Variants in CDC42SE2 observed in about 807,000 individuals in gnomAD.
CDC42SE2 encodes the protein CDC42 small effector protein 2.
Under a neutral mutation model 11.5 loss-of-function variants are expected in CDC42SE2, and 3 were observed. The observed-to-expected ratio is 0.26, with a 90% CI of 0.12 to 0.67. CDC42SE2 has a LOEUF of 0.67. CDC42SE2 is among the 30% of genes least tolerant of loss of function. CDC42SE2 has a pLI of 0.80. For missense variants in CDC42SE2, 82 were observed against 106.8 expected (o/e 0.77, Z 1.02); for synonymous variants, 33 against 34.8 (o/e 0.95, Z 0.18).
the CDC42SE2 span, among the ~76,000 whole-genome samples, chr5:131,221,350 G>A: frequency 0.13 from 19,342 of 150,338 alleles, 1,308 homozygotes; most frequent in African/African-American, 0.14. Flanking sequence ...CGTATTTTAC[G>A]TGTGGCTCAA....
intron 2 of CDC42SE2, among the ~76,000 whole-genome samples, chr5:131,325,636 C>T (rs1169338504): frequency 6.6e-6 from 1 of 152,122 alleles, no homozygotes; most frequent in East Asian, 1.9e-4. Context: ...TTGCAAACTC[C>T]TAGAGCTAAA....
intron 1 of CDC42SE2, among the ~76,000 whole-genome samples, chr5:131,276,203 T>C (rs947806571): frequency 2.6e-5 from 4 of 150,998 alleles, no homozygotes; most frequent in Middle Eastern, 6.8e-3. Context: ...TCCCAGCACT[T>C]TGGGAGGCTG....
At chr5:131,251,005 G>A (rs1455766257) in intron 1 of CDC42SE2, among the ~76,000 whole-genome samples, 2 of 152,068 alleles carry the variant, frequency 1.3e-5, no homozygotes, top group African/African-American at 4.8e-5. Context: ...AGAACTCTCT[G>A]TACTTTCCAC....
intron 2 of CDC42SE2, among the ~76,000 whole-genome samples, chr5:131,332,713 G>T (rs1362775002): frequency 1.3e-5 from 2 of 152,102 alleles, no homozygotes. Context: ...TTTTTCTGAT[G>T]GCCAGTGATG....
At chr5:131,316,660 G>A (rs1178846690) in intron 2 of CDC42SE2, among the ~76,000 whole-genome samples, 2 of 152,168 alleles carry the variant, frequency 1.3e-5, no homozygotes, top group African/African-American at 2.4e-5. Flanking sequence ...CTGATATTAC[G>A]TAGATGTGAT....
chr5:131,283,624 A>G (rs1310148268), intron 1 of CDC42SE2, among the ~76,000 whole-genome samples: 2 of 151,040 alleles, frequency 1.3e-5, no homozygotes, highest in African/African-American at 4.9e-5. Context: ...CTCCCAAGTA[A>G]CTGGGATTGC....
At chr5:131,261,836 G>A (rs1756728720), upstream of CDC42SE2, among the ~76,000 whole-genome samples, 1 of 149,130 alleles carries the variant, frequency 6.7e-6, no homozygotes. Context: ...TCCAGCCTGG[G>A]TGACAAAGTG....
intron 1 of CDC42SE2, among the ~76,000 whole-genome samples, chr5:131,303,650 C>G (rs912828558): frequency 1.3e-5 from 2 of 152,246 alleles, no homozygotes; most frequent in African/African-American, 4.8e-5. Flanking sequence ...ACATCCTGAC[C>G]TCTGATAACA....
chr5:131,241,572 G>C (rs1448938596), upstream of CDC42SE2, among the ~76,000 whole-genome samples: 1 of 151,950 alleles, frequency 6.6e-6, no homozygotes, highest in African/African-American at 2.4e-5. Context: ...TCATGTTTAG[G>C]TCATTTTCTC....
At chr5:131,321,068 G>A (rs1758177046) in intron 2 of CDC42SE2, among the ~76,000 whole-genome samples, 1 of 152,134 alleles carries the variant, frequency 6.6e-6, no homozygotes, top group Non-Finnish European at 1.5e-5. Context: ...GTATAAGTTG[G>A]CACATTCCTT....
At chr5:131,348,234 A>G (rs889977912) in intron 2 of CDC42SE2, among the ~76,000 whole-genome samples, 2 of 152,230 alleles carry the variant, frequency 1.3e-5, no homozygotes, top group Non-Finnish European at 2.9e-5. Context: ...ATGATTGTAT[A>G]TCTAGAAAAC....
chr5:131,212,676 G>A, the CDC42SE2 span, among the ~76,000 whole-genome samples: 2 of 152,236 alleles, frequency 1.3e-5, no homozygotes, highest in South Asian at 4.1e-4. Context: ...ACACCACTTT[G>A]GCTTTCAGAT....
intron 2 of CDC42SE2, among the ~76,000 whole-genome samples, chr5:131,321,985 G>A (rs1431175248): frequency 6.6e-6 from 1 of 152,062 alleles, no homozygotes; most frequent in Non-Finnish European, 1.5e-5. Context: ...CAAGTAGCTG[G>A]GACTACAGGC....
intron 1 of CDC42SE2, among the ~76,000 whole-genome samples, chr5:131,273,566 C>G (rs1487139960): frequency 6.6e-6 from 1 of 150,460 alleles, no homozygotes; most frequent in African/African-American, 2.4e-5. Flanking sequence ...GTCAGGAGAT[C>G]GAGACCATCC....
chr5:131,391,058 C>G lies in CDC42SE2; in HGVS notation c.222C>G (p.Val74=). ...GGYGGGMPAN[V]QMQLVDTKAG ...ATGGAGGTGGAATGCCTGCCAATGT[C>G]CAGATGCAGCTCGTGGATACGAAGG... Residue 74 remains valine, a synonymous_variant, in exon 5 of 5, where the codon GTC becomes GTG. Coordinates refer to ENST00000505065, the MANE Select transcript of CDC42SE2 (RefSeq NM_001375635.1). The G allele has an allele frequency of 6.2e-7, 1 of 1,613,114 alleles. No individual in the cohort carries two copies. The highest frequency in any genetic ancestry group is 8.5e-7 in the Non-Finnish European group (1 of 1,179,352).
At chr5:131,238,358 C>G in the CDC42SE2 span, among the ~76,000 whole-genome samples, 2 of 151,972 alleles carry the variant, frequency 1.3e-5, no homozygotes, top group Non-Finnish European at 1.5e-5. Flanking sequence ...AAAAAATTAG[C>G]CGGGCGTGGT....
chr5:131,324,540 A>G (rs1024981588), intron 2 of CDC42SE2, among the ~76,000 whole-genome samples: 1 of 152,212 alleles, frequency 6.6e-6, no homozygotes, highest in Non-Finnish European at 1.5e-5. Flanking sequence ...CCTAGGAGAA[A>G]AGAATTGGGG....
intron 1 of CDC42SE2, among the ~76,000 whole-genome samples, chr5:131,296,304 C>T (rs1033850278): frequency 3.9e-5 from 6 of 152,042 alleles, no homozygotes; most frequent in African/African-American, 9.7e-5. Flanking sequence ...TTTTTTTGCT[C>T]TCCTCATCAA....
intron 3 of CDC42SE2, among the ~76,000 whole-genome samples, chr5:131,371,329 C>T (rs1750007268): frequency 6.6e-6 from 1 of 152,068 alleles, no homozygotes; most frequent in Non-Finnish European, 1.5e-5. Flanking sequence ...GGTCAGTTCT[C>T]AGTTCTCGGG....
Sources: allele counts gnomAD v4.1 joint callset (sites outside exome capture counted in the v4.1 genomes callset), GRCh38; gene constraint gnomAD v4.1.1; transcripts MANE v1.5; gene names NCBI Gene and HGNC (gene_info 2026-07-23, HGNC 2026-07-21).